Variants in KCNAB1 observed in about 807,000 individuals in gnomAD.
KCNAB1 encodes the protein voltage-gated potassium channel subunit beta-1.
A neutral mutation model predicts 64.6 loss-of-function variants in KCNAB1; 35 were observed. The ratio of observed to expected loss-of-function variants is 0.54; its 90% confidence interval spans 0.41 to 0.72. The LOEUF (loss-of-function observed/expected upper bound fraction) is 0.72, where lower values mean the gene tolerates loss of function less well. KCNAB1 is among the 30% of genes least tolerant of loss of function. The pLI is 0.00. For missense variants in KCNAB1, 401 were observed against 512.9 expected (o/e 0.78, Z 2.11); for synonymous variants, 177 against 183.8 (o/e 0.96, Z 0.30).
chr3:156,211,859 A>G (rs142484670), intron 1 of KCNAB1, among the ~76,000 whole-genome samples: 214 of 152,334 alleles, frequency 1.4e-3, no homozygotes, highest in African/African-American at 4.9e-3. Flanking sequence ...AGATGTGGAA[A>G]GCCCAGCAAG....
At chr3:156,182,618 T>A (rs1214951620) in intron 1 of KCNAB1, among the ~76,000 whole-genome samples, 1 of 81,248 alleles carries the variant, frequency 1.2e-5, no homozygotes, top group African/African-American at 4.1e-5. Flanking sequence ...TTTCCAGGGT[T>A]GGTTTTTTTT....
intron 1 of KCNAB1, among the ~76,000 whole-genome samples, chr3:156,296,461 TCC>T (rs9331285): frequency 0.057 from 6,416 of 111,708 alleles, 259 homozygotes; most frequent in African/African-American, 0.12. Flanking sequence ...AAACTTCAAC[TCC>T]CCCCCCCCCC....
intron 1 of KCNAB1, among the ~76,000 whole-genome samples, chr3:156,276,124 G>T (rs1481544388): frequency 6.6e-6 from 1 of 152,114 alleles, no homozygotes; most frequent in East Asian, 1.9e-4. Flanking sequence ...GTATTAGCAG[G>T]CATGAAAACA....
chr3:156,337,200 TA>T (rs1723774439), intron 1 of KCNAB1, among the ~76,000 whole-genome samples: 1 of 152,216 alleles, frequency 6.6e-6, no homozygotes. Context: ...GCAAGTGAGA[TA>T]AGTTGGAAAT....
At position 156,238,338 on chromosome 3, in the gene KCNAB1, C is replaced by T. The variant is rs545079810; in HGVS notation, c.275+117452C>T. The stretch of plus-strand genomic sequence containing the variant: ...TCGGGAGGCTGAGGCAGGAGAATGG[C>T]GTGAACCCGGGAGGCGGAACTTGCA... On this transcript the variant is annotated intron_variant, in intron 1 of 13. Transcript: ENST00000490337. Among the ~76,000 whole-genome samples, 836 of 147,326 alleles carry T rather than the reference C, an allele frequency of 5.7e-3. 4 individuals carry two copies. The highest frequency in any genetic ancestry group is 6.1e-3 in the Non-Finnish European group (409 of 67,326).
intron 2 of KCNAB1, among the ~76,000 whole-genome samples, chr3:156,440,969 C>A (rs1716950164): frequency 6.6e-6 from 1 of 151,924 alleles, no homozygotes; most frequent in African/African-American, 2.4e-5. Context: ...TTAAAAAATT[C>A]TTAGTCAAAA....
At chr3:156,527,516 T>C (rs1418477145) in intron 12 of KCNAB1, among the ~76,000 whole-genome samples, 1 of 152,170 alleles carries the variant, frequency 6.6e-6, no homozygotes, top group Non-Finnish European at 1.5e-5. Context: ...GTATTAAACT[T>C]AGCCCTGAAA....
intron 1 of KCNAB1, among the ~76,000 whole-genome samples, chr3:156,283,341 A>C: frequency 2.0e-5 from 3 of 151,064 alleles, no homozygotes; most frequent in African/African-American, 7.4e-5. Flanking sequence ...ATCTGCTGTT[A>C]GTCTGATGGG....
chr3:156,456,496 A>G (rs547616759), intron 3 of KCNAB1, among the ~76,000 whole-genome samples: 1 of 152,380 alleles, frequency 6.6e-6, no homozygotes, highest in East Asian at 1.9e-4. Flanking sequence ...TAAAAGCAGT[A>G]ATAGCATACT....
At chr3:156,337,033 G>A (rs1350664286) in intron 1 of KCNAB1, among the ~76,000 whole-genome samples, 3 of 152,154 alleles carry the variant, frequency 2.0e-5, no homozygotes, top group East Asian at 1.9e-4. Context: ...AAGTGACTGC[G>A]ATTATTGTTA....
At chr3:156,202,538 T>C (rs1320786365) in intron 1 of KCNAB1, among the ~76,000 whole-genome samples, 2 of 152,210 alleles carry the variant, frequency 1.3e-5, no homozygotes, top group Non-Finnish European at 2.9e-5. Flanking sequence ...TCAGCCATCT[T>C]GGAGCAGGAA....
chr3:156,182,785 G>A (rs1433808738), intron 1 of KCNAB1, among the ~76,000 whole-genome samples: 2 of 149,460 alleles, frequency 1.3e-5, no homozygotes, highest in Non-Finnish European at 3.0e-5. Context: ...GGCAACCTCT[G>A]CCTCCCAGGT....
chr3:156,464,903 T>C (rs959306611), intron 6 of KCNAB1, among the ~76,000 whole-genome samples: 1 of 152,198 alleles, frequency 6.6e-6, no homozygotes, highest in Non-Finnish European at 1.5e-5. Context: ...TAGTAGAATA[T>C]GTAGTAGAAT....
chr3:156,421,559 C>A, intron 1 of KCNAB1, 57 bp from the exon 2 acceptor site: 1 of 1,534,310 alleles, frequency 6.5e-7, no homozygotes, highest in Non-Finnish European at 9.0e-7. Flanking sequence ...TCCACTTATG[C>A]ATGTACAGTT....
At chr3:156,496,853 C>T (rs543574716) in intron 8 of KCNAB1, among the ~76,000 whole-genome samples, 2 of 152,108 alleles carry the variant, frequency 1.3e-5, no homozygotes, top group South Asian at 2.1e-4. Context: ...CCAGATACAA[C>T]CAGGCAATGT....
Position 156,279,366 on chromosome 3 carries a change from T to C in KCNAB1, c.276-142250T>C, listed in dbSNP as rs1361936993. Among the ~76,000 whole-genome samples the C allele has an allele frequency of 7.9e-5, 12 of 152,266 alleles. No homozygotes were observed. The East Asian group carries it at 2.3e-3, about 29-fold the overall frequency. On this transcript the variant is annotated intron_variant, in intron 1 of 13. Coordinates refer to ENST00000490337, the MANE Select transcript of KCNAB1 (RefSeq NM_172160.3). ...CACATTTTCTTAATCCCGTCTATCA[T>C]TGTTGGACATTTGGGTTGGTTCCAA...
intron 1 of KCNAB1, among the ~76,000 whole-genome samples, chr3:156,149,048 G>T (rs1715229266): frequency 6.6e-6 from 1 of 152,050 alleles, no homozygotes; most frequent in East Asian, 1.9e-4. Context: ...ATTGTGCCTA[G>T]AACAAAAATA....
intron 8 of KCNAB1, among the ~76,000 whole-genome samples, chr3:156,502,037 G>T (rs750122675): frequency 1.3e-5 from 2 of 152,106 alleles, no homozygotes; most frequent in African/African-American, 2.4e-5. Context: ...GGTCCCTCCC[G>T]CAACATGTGG....
intron 1 of KCNAB1, among the ~76,000 whole-genome samples, chr3:156,186,763 G>C (rs992492026): frequency 3.3e-5 from 5 of 151,904 alleles, no homozygotes; most frequent in African/African-American, 1.2e-4. Flanking sequence ...TTCAGGCCTT[G>C]CTCTCCTTGT....
Sources: allele counts gnomAD v4.1 joint callset (sites outside exome capture counted in the v4.1 genomes callset), GRCh38; gene constraint gnomAD v4.1.1; transcripts MANE v1.5; gene names NCBI Gene and HGNC (gene_info 2026-07-23, HGNC 2026-07-21).